The following METTL8 variants were observed in gnomAD, a reference collection of about 807,000 sequenced individuals.
METTL8 encodes tRNA N(3)-cytidine methyltransferase METTL8, mitochondrial.
In METTL8, 32 loss-of-function variants were observed where a neutral mutation model predicts 48.7. The observed-to-expected ratio is 0.66, with a 90% CI of 0.50 to 0.88. The LOEUF is 0.88. METTL8 is among the 40% of genes least tolerant of loss of function. The pLI is 0.00. For synonymous variants in METTL8, 136 were observed against 157.1 expected (o/e 0.87, Z 1.01); for missense variants, 464 against 474.4 (o/e 0.98, Z 0.20).
intron 2 of METTL8, among the ~76,000 whole-genome samples, chr2:171,362,293 G>A (rs570162007): frequency 6.6e-6 from 1 of 152,054 alleles, no homozygotes; most frequent in Non-Finnish European, 1.5e-5. Context: ...GGGGGAGAGG[G>A]AGACACTGAA....
intron 1 of METTL8, among the ~76,000 whole-genome samples, chr2:171,405,574 G>A (rs1373955850): frequency 6.6e-6 from 1 of 152,048 alleles, no homozygotes; most frequent in African/African-American, 2.4e-5. Context: ...GAGAGAAGTT[G>A]GGCTGTATTT....
intron 1 of METTL8, among the ~76,000 whole-genome samples, chr2:171,419,225 C>T (rs1691636151): frequency 6.6e-6 from 1 of 152,086 alleles, no homozygotes. Flanking sequence ...GTGTTCCTTG[C>T]TACTAGGTTG....
At chr2:171,391,703 G>C (rs1280389145) in intron 2 of METTL8, among the ~76,000 whole-genome samples, 1 of 152,160 alleles carries the variant, frequency 6.6e-6, no homozygotes, top group Non-Finnish European at 1.5e-5. Context: ...TGAAAAAGAG[G>C]GAAGGAACTG....
At chr2:171,397,937 T>G (rs1689269238) in intron 1 of METTL8, among the ~76,000 whole-genome samples, 1 of 152,136 alleles carries the variant, frequency 6.6e-6, no homozygotes, top group Non-Finnish European at 1.5e-5. Flanking sequence ...ACAGCACACC[T>G]AATAGGATGG....
rs1037188444 is a variant in METTL8, at chr2:171,321,960, A to T, written c.*2212T>A. On this transcript the variant is annotated 3_prime_UTR_variant, in exon 10 of 10. Coordinates refer to ENST00000375258, the MANE Select transcript of METTL8 (RefSeq NM_001321154.2). ...TCCTTTTTGAAGCAAGGGAGTAAAT[A>T]AATTTTTTTTTTTTTTTTTGATACG... The T allele has an allele frequency of 2.0e-5, 3 of 148,994 alleles. No individual in the cohort carries two copies. Among genetic ancestry groups the T allele is most frequent in the African/African-American group, 7.3e-5 (3 of 41,094 alleles). 9.2% of individuals were successfully genotyped at this position (148,994 alleles called of 1,614,324 possible).
At position 171,329,243 on chromosome 2, in the gene METTL8, G is replaced by A. The variant is rs577664206; in HGVS notation, c.860+1316C>T. ...TGACCTCAGGTGATCCACCCACCTC[G>A]GCTTCCCAAAGTGCTGGGATTACAG... On this transcript the variant is annotated intron_variant, in intron 7 of 9. Coordinates refer to ENST00000375258, the MANE Select transcript of METTL8 (RefSeq NM_001321154.2). Among the ~76,000 whole-genome samples the A allele has an allele frequency of 5.9e-5, 9 of 152,298 alleles. 1 individual carries two copies. Among genetic ancestry groups the A allele is most frequent in the East Asian group, 5.8e-4 (3 of 5,186 alleles).
chr2:171,316,296 T>C lies in METTL8; in HGVS notation c.*7876A>G, dbSNP rs1684260073. 6.6e-6 allele frequency among the ~76,000 whole-genome samples: 1 copy of C among 152,166 alleles called. No homozygotes were observed. The highest frequency in any genetic ancestry group is 1.5e-5 in the Non-Finnish European group (1 of 68,012). On this transcript the variant is annotated 3_prime_UTR_variant, in exon 10 of 10. Transcript: ENST00000375258. ...TGTGGGTAGAAAACAAGTCCCCAAG[T>C]TGCTACTGAGCCAAACTGTAAAGGC...
intron 1 of METTL8, among the ~76,000 whole-genome samples, chr2:171,432,353 A>G (rs955409218): frequency 6.6e-6 from 1 of 152,186 alleles, no homozygotes; most frequent in African/African-American, 2.4e-5. Context: ...AGTCTAAAGG[A>G]CTTGGTTGTG....
In METTL8 at chr2:171,322,838, T is replaced by A. The variant is rs924205149; in HGVS notation, c.*1334A>T. The A allele has an allele frequency of 6.6e-6, 1 of 152,118 alleles. No homozygotes were observed. Among genetic ancestry groups the A allele is most frequent in the African/African-American group, 2.4e-5 (1 of 41,410 alleles). The allele number at this position is 152,118 out of a possible 1,614,324, so 9.4% of individuals were successfully genotyped here. On this transcript the variant is annotated 3_prime_UTR_variant, in exon 10 of 10. Transcript: ENST00000375258. ...TACTGGTTGCCCATTTTTAAGGTTA[T>A]TTCTTGATTATATGCTACACAAGGG...
chr2:171,379,090 C>T (rs1461027588), intron 2 of METTL8, among the ~76,000 whole-genome samples: 1 of 152,066 alleles, frequency 6.6e-6, no homozygotes, highest in Non-Finnish European at 1.5e-5. Context: ...AATTAGAACT[C>T]GAGATTTAAA....
intron 3 of METTL8, among the ~76,000 whole-genome samples, chr2:171,358,353 G>GA (rs750007486): frequency 0.025 from 1,412 of 57,034 alleles, 27 homozygotes; most frequent in African/African-American, 0.073. Flanking sequence ...TCCGTCTCCA[G>GA]AAAAAAAAAA....
chr2:171,393,407 C>CAAAAAA lies in METTL8; in HGVS notation c.-12-1216_-12-1211dup, dbSNP rs10629650. On this transcript the variant is annotated intron_variant, in intron 1 of 9. Coordinates refer to ENST00000375258, the MANE Select transcript of METTL8 (RefSeq NM_001321154.2). ...AGCAAGACTCTGTCTTATAAAAAAG[C>CAAAAAA]AAAAAAAAAAAAAAAAAAGCATGCT... Among the ~76,000 whole-genome samples the CAAAAAA allele has an allele frequency of 7.4e-4, 77 of 104,128 alleles. 2 individuals carry two copies. The highest frequency in any genetic ancestry group is 8.0e-4 in the Non-Finnish European group (45 of 56,036). The allele number at this position is 104,128 out of a possible 152,430, so 68.3% of individuals were successfully genotyped here. A position where few individuals can be genotyped will look rare whatever the true frequency, so the allele number is the denominator to read the frequency against.
chr2:171,348,002 C>A (rs1006349828), intron 3 of METTL8, among the ~76,000 whole-genome samples: 1 of 152,072 alleles, frequency 6.6e-6, no homozygotes, highest in African/African-American at 2.4e-5. Context: ...CAAGTGATAC[C>A]AGAAGATAAG....
Position 171,369,640 on chromosome 2 carries a change from C to T in METTL8, c.144-9127G>A, listed in dbSNP as rs374014645. Among the ~76,000 whole-genome samples, 129 of 152,196 alleles carry T rather than the reference C, an allele frequency of 8.5e-4. 2 individuals carry two copies. The highest frequency in any genetic ancestry group is 2.7e-3 in the African/African-American group (112 of 41,534). Reference sequence around the variant, plus strand: ...ATATCCATAAGAAGTCTTTGCGGTTCGTAGTAATTTAAGAGTGTAAAGGGG... The same window carrying T: ...ATATCCATAAGAAGTCTTTGCGGTTTGTAGTAATTTAAGAGTGTAAAGGGG... On this transcript the variant is annotated intron_variant, in intron 2 of 9. Transcript: ENST00000375258.
At chr2:171,337,553 G>A (rs1202656685) in intron 4 of METTL8, 51 bp from the exon 5 acceptor site, 2 of 1,400,380 alleles carry the variant, frequency 1.4e-6, no homozygotes, top group African/African-American at 2.9e-5. Context: ...TTAAATTTTT[G>A]TCACCAATGT....
At chr2:171,336,396 CTTTTTTTTT>C (rs146097512) in intron 5 of METTL8, among the ~76,000 whole-genome samples, 3 of 80,782 alleles carry the variant, frequency 3.7e-5, no homozygotes, top group East Asian at 3.8e-4. Flanking sequence ...CGCCCGACTG[CTTTTTTTTT>C]TTTTTTTTTT....
chr2:171,397,157 T>C (rs922237706), intron 1 of METTL8, among the ~76,000 whole-genome samples: 74 of 150,530 alleles, frequency 4.9e-4, no homozygotes, highest in Middle Eastern at 3.4e-3. Context: ...AAAATAAGAA[T>C]AAATTAGACC....
intron 1 of METTL8, among the ~76,000 whole-genome samples, chr2:171,407,925 G>GT (rs1399754031): frequency 6.6e-6 from 1 of 152,202 alleles, no homozygotes; most frequent in Non-Finnish European, 1.5e-5. Context: ...AGGGAATTGG[G>GT]AAGACACATA....
At chr2:171,391,892 T>G (rs1191013859) in intron 2 of METTL8, 151 bp downstream of exon 2, 11 of 690,716 alleles carry the variant, frequency 1.6e-5, no homozygotes, top group African/African-American at 5.5e-5. Context: ...CAGCAACACT[T>G]AAGTCAGGAT....
Sources: gnomAD v4.1 joint callset for allele counts (sites outside exome capture counted in the v4.1 genomes callset) on GRCh38, gnomAD v4.1.1 for gene constraint, MANE v1.5 for transcripts, NCBI Gene and HGNC (gene_info 2026-07-23, HGNC 2026-07-21) for gene names.